PDE1C: variants seen among roughly 807,000 people sequenced by gnomAD.
PDE1C encodes the protein dual specificity calcium/calmodulin-dependent 3',5'-cyclic nucleotide phosphodiesterase 1C.
In PDE1C, 62 loss-of-function variants were observed where a neutral mutation model predicts 93.1. The observed-to-expected ratio is 0.67, with a 90% CI of 0.54 to 0.82. The LOEUF (loss-of-function observed/expected upper bound fraction) is 0.82, where lower values mean the gene tolerates loss of function less well. PDE1C is among the 40% of genes least tolerant of loss of function. The probability of loss-of-function intolerance (pLI) is 0.00; values close to 1 mark genes in which losing one functional copy is unlikely to be tolerated. For synonymous variants in PDE1C, 325 were observed against 310.1 expected (o/e 1.05, Z -0.50); for missense variants, 742 against 884.6 (o/e 0.84, Z 2.04).
At chr7:31,775,830 A>G (rs953914222) in intron 16 of PDE1C, 98 bp from the exon 17 acceptor site, 1 of 1,038,116 alleles carries the variant, frequency 9.6e-7, no homozygotes, top group Non-Finnish European at 1.5e-6. Flanking sequence ...TTGGGGTCTG[A>G]AAACAATGTT....
intron 1 of PDE1C, among the ~76,000 whole-genome samples, chr7:32,231,956 TATACACACAC>T (rs199544305): frequency 0.15 from 19,503 of 126,754 alleles, 1,488 homozygotes; most frequent in East Asian, 0.32. Flanking sequence ...TAAATATGTG[TATACACACAC>T]ACACACACAC....
chr7:31,906,597 T>C (rs1421050109), intron 2 of PDE1C, among the ~76,000 whole-genome samples: 1 of 152,122 alleles, frequency 6.6e-6, no homozygotes. Context: ...AGGTGTTATA[T>C]AGGCTACAAA....
At chr7:31,776,665 T>TTA (rs138996961) in intron 16 of PDE1C, among the ~76,000 whole-genome samples, 4,011 of 152,228 alleles carry the variant, frequency 0.026, 169 homozygotes, top group African/African-American at 0.091. Flanking sequence ...GACACATATC[T>TTA]TATATATAAA....
the PDE1C span, among the ~76,000 whole-genome samples, chr7:31,683,642 C>T: frequency 3.3e-5 from 5 of 152,068 alleles, no homozygotes; most frequent in Non-Finnish European, 7.4e-5. Context: ...ATAAAACAGG[C>T]CTATGAATAT....
intron 3 of PDE1C, among the ~76,000 whole-genome samples, chr7:32,080,579 G>C (rs960305223): frequency 1.2e-4 from 19 of 152,160 alleles, no homozygotes; most frequent in Non-Finnish European, 1.3e-4. Flanking sequence ...GCACCTTTCA[G>C]CTATCTGGCG....
intron 1 of PDE1C, among the ~76,000 whole-genome samples, chr7:32,344,812 G>A (rs1783821422): frequency 6.6e-6 from 1 of 151,868 alleles, no homozygotes; most frequent in Non-Finnish European, 1.5e-5. Flanking sequence ...TGTCTGTTTT[G>A]TTCTATTGAT....
At chr7:31,798,116 G>A (rs1045109137) in intron 16 of PDE1C, among the ~76,000 whole-genome samples, 7 of 151,774 alleles carry the variant, frequency 4.6e-5, no homozygotes, top group Admixed American at 6.6e-5. Context: ...TTCCAAGTAA[G>A]TTTTCCTTCA....
chr7:32,020,186 A>T (rs1179224051), intron 2 of PDE1C, among the ~76,000 whole-genome samples: 3 of 152,074 alleles, frequency 2.0e-5, no homozygotes, highest in Non-Finnish European at 4.4e-5. Context: ...GTGGTTTTTC[A>T]TTCTTGGCCT....
At chr7:32,380,750 G>A (rs1000813339) in intron 1 of PDE1C, among the ~76,000 whole-genome samples, 1 of 152,042 alleles carries the variant, frequency 6.6e-6, no homozygotes, top group African/African-American at 2.4e-5. Context: ...GATGTTCCTG[G>A]TTTTTCTCCC....
the PDE1C span, among the ~76,000 whole-genome samples, chr7:31,666,341 A>G: frequency 3.3e-5 from 5 of 152,224 alleles, no homozygotes. Flanking sequence ...TTCACTCATC[A>G]TATAAGCAAA....
intron 2 of PDE1C, among the ~76,000 whole-genome samples, chr7:32,204,821 T>C (rs1207368609): frequency 6.6e-6 from 1 of 152,232 alleles, no homozygotes; most frequent in Non-Finnish European, 1.5e-5. Flanking sequence ...GTCCCCGTTC[T>C]GACTCTCCCA....
At chr7:31,655,932 A>G in the PDE1C span, 6 of 985,226 alleles carry the variant, frequency 6.1e-6, no homozygotes, top group Non-Finnish European at 7.2e-6. Context: ...TACCAGTCTC[A>G]TTTCCTGCTC....
chr7:31,619,761 C>T, the PDE1C span, among the ~76,000 whole-genome samples: 2 of 152,098 alleles, frequency 1.3e-5, no homozygotes, highest in African/African-American at 4.8e-5. Context: ...GGGCGCAGGT[C>T]AGTGGGTGCA....
chr7:32,421,439 C>T (rs1249085932), intron 1 of PDE1C, among the ~76,000 whole-genome samples: 1 of 152,248 alleles, frequency 6.6e-6, no homozygotes, highest in Non-Finnish European at 1.5e-5. Flanking sequence ...CCAATATTGA[C>T]TAAATGACTA....
chr7:32,407,577 A>G (rs1785081008), intron 1 of PDE1C, among the ~76,000 whole-genome samples: 1 of 152,136 alleles, frequency 6.6e-6, no homozygotes, highest in African/African-American at 2.4e-5. Context: ...GCTCACAGAG[A>G]GAGGGGTACA....
intron 1 of PDE1C, among the ~76,000 whole-genome samples, chr7:32,226,534 G>A (rs1807282617): frequency 6.6e-6 from 1 of 152,196 alleles, no homozygotes; most frequent in African/African-American, 2.4e-5. Flanking sequence ...GATGAAGCGG[G>A]CCTGGGGTTT....
At chr7:31,711,339 C>T in the PDE1C span, among the ~76,000 whole-genome samples, 1 of 152,134 alleles carries the variant, frequency 6.6e-6, no homozygotes. Flanking sequence ...TGCTCTGAGC[C>T]CTTGCATTTG....
chr7:31,866,984 C>G (rs1287264967), intron 6 of PDE1C, among the ~76,000 whole-genome samples: 1 of 152,090 alleles, frequency 6.6e-6, no homozygotes, highest in African/African-American at 2.4e-5. Context: ...CCCCTAACCC[C>G]CTACCCAGCT....
chr7:31,825,283 C>T (rs1789507860), intron 12 of PDE1C, among the ~76,000 whole-genome samples: 1 of 152,158 alleles, frequency 6.6e-6, no homozygotes, highest in Admixed American at 6.6e-5. Flanking sequence ...CTGAATAACA[C>T]AACCTGCCTG....
Sources: allele counts gnomAD v4.1 joint callset (sites outside exome capture counted in the v4.1 genomes callset), GRCh38; gene constraint gnomAD v4.1.1; transcripts MANE v1.5; gene names NCBI Gene and HGNC (gene_info 2026-07-23, HGNC 2026-07-21).